The following ZFR variants were observed in gnomAD, a reference collection of about 807,000 sequenced individuals.
The protein encoded by ZFR is zinc finger RNA binding protein.
A neutral mutation model predicts 130.7 loss-of-function variants in ZFR; 19 were observed. The ratio of observed to expected loss-of-function variants is 0.15; its 90% CI spans 0.10 to 0.21. ZFR has a LOEUF of 0.21. ZFR is among the 10% of genes least tolerant of loss of function. ZFR has a pLI of 1.00. For synonymous variants in ZFR, 466 were observed against 456.9 expected (o/e 1.02, Z -0.25); for missense variants, 872 against 1,321.5 (o/e 0.66, Z 5.27).
intron 2 of ZFR, among the ~76,000 whole-genome samples, chr5:32,426,566 C>T (rs1445834793): frequency 6.6e-6 from 1 of 152,180 alleles, no homozygotes; most frequent in Non-Finnish European, 1.5e-5. Context: ...CAACACAGTA[C>T]TTAAGTTCCA....
At position 32,385,609 on chromosome 5, in the gene ZFR, G is replaced by A. The variant is rs752155969; in HGVS notation, c.2540C>T (p.Ser847Phe). 1 of 1,613,406 alleles carries A rather than the reference G, an allele frequency of 6.2e-7. No homozygotes were observed. Among genetic ancestry groups the A allele is most frequent in the Non-Finnish European group, 8.5e-7 (1 of 1,179,536 alleles). The change falls in exon 15 of 20, where the codon TCT becomes TTT. Residue 847 changes from serine (S) to phenylalanine (F), a missense_variant. Transcript: ENST00000265069. ...TGAATTCAAAATTATTGCCGCTTCA[G>A]ATACAGCACATTTTATGTCATACTT... ...PEKYDIKCAV[S>F]EAAIILNSCV...
At chr5:32,367,173 T>A (rs1273323286) in intron 17 of ZFR, among the ~76,000 whole-genome samples, 1 of 152,016 alleles carries the variant, frequency 6.6e-6, no homozygotes. Context: ...GTGGTTCACG[T>A]CTGTAATCCC....
Position 32,403,141 on chromosome 5 carries a change from G to A in ZFR, c.1481C>T (p.Ala494Val). The A allele has an allele frequency of 6.2e-7, 1 of 1,614,066 alleles. No homozygotes were observed. Among genetic ancestry groups the A allele is most frequent in the Non-Finnish European group, 8.5e-7 (1 of 1,179,996 alleles). The change falls in exon 8 of 20, where the codon GCC (alanine) becomes GTC (valine). Residue 494 changes from alanine to valine, a missense_variant. Coordinates refer to ENST00000265069, the MANE Select transcript of ZFR (RefSeq NM_016107.5). ...TATTTTGGGGGTAGATGTTTTCTTG[G>A]CAGCCATATTTGTAGGCACTGCTGA... The part of the protein sequence containing the change: ...KVSAVPTNMA[A>V]KKTSTPKINF...
intron 17 of ZFR, among the ~76,000 whole-genome samples, chr5:32,366,321 G>A (rs1191166587): frequency 6.6e-6 from 1 of 152,198 alleles, no homozygotes; most frequent in Non-Finnish European, 1.5e-5. Context: ...TATGAGAAAA[G>A]TGAGCATTAA....
chr5:32,434,707 G>A (rs1347155927), intron 2 of ZFR, among the ~76,000 whole-genome samples: 1 of 152,156 alleles, frequency 6.6e-6, no homozygotes, highest in Non-Finnish European at 1.5e-5. Flanking sequence ...ATCCCATGAT[G>A]TAAATCTTGC....
chr5:32,373,179 G>A (rs992619194), intron 17 of ZFR, among the ~76,000 whole-genome samples: 19 of 152,202 alleles, frequency 1.2e-4, no homozygotes, highest in African/African-American at 3.1e-4. Context: ...TGGATCATGA[G>A]ATGAGGAGTT....
At chr5:32,376,332 C>T (rs2910927) in intron 17 of ZFR, among the ~76,000 whole-genome samples, 60,872 of 151,552 alleles carry the variant, frequency 0.4, 12,489 homozygotes, top group East Asian at 0.56. Flanking sequence ...AAATAAAATT[C>T]GATGAAAAAA....
At chr5:32,399,823 TATG>T (rs1442266198) in intron 9 of ZFR, among the ~76,000 whole-genome samples, 181 bp downstream of exon 9, 1 of 152,198 alleles carries the variant, frequency 6.6e-6, no homozygotes, top group African/African-American at 2.4e-5. Context: ...AAAAAATCAT[TATG>T]ATGTCACTTA....
chr5:32,400,673 G>C (rs976962605), intron 8 of ZFR, among the ~76,000 whole-genome samples: 1 of 152,144 alleles, frequency 6.6e-6, no homozygotes, highest in African/African-American at 2.4e-5. Flanking sequence ...GACCAGCCGG[G>C]GGAACATGGC....
chr5:32,401,812 G>T (rs1259576292), intron 8 of ZFR, among the ~76,000 whole-genome samples: 1 of 152,146 alleles, frequency 6.6e-6, no homozygotes, highest in Non-Finnish European at 1.5e-5. Flanking sequence ...AGACTTTTAA[G>T]GCCTAAAAAA....
At chr5:32,419,263 A>G (rs1391779567) in intron 3 of ZFR, among the ~76,000 whole-genome samples, 2 of 152,270 alleles carry the variant, frequency 1.3e-5, no homozygotes, top group East Asian at 1.9e-4. Context: ...AAAGTTTTTA[A>G]CAGACAGCTA....
chr5:32,384,405 T>G (rs1464585439), intron 15 of ZFR, among the ~76,000 whole-genome samples: 1 of 152,158 alleles, frequency 6.6e-6, no homozygotes, highest in Non-Finnish European at 1.5e-5. Context: ...TATGTAAAAT[T>G]AGACATAGCT....
intron 2 of ZFR, among the ~76,000 whole-genome samples, chr5:32,427,315 G>T (rs1308636350): frequency 6.8e-6 from 1 of 147,500 alleles, no homozygotes; most frequent in East Asian, 2.0e-4. Flanking sequence ...AGCCCAGGAG[G>T]TCAGGGCTGC....
intron 17 of ZFR, among the ~76,000 whole-genome samples, chr5:32,377,321 C>T (rs557493067): frequency 3.8e-4 from 57 of 151,388 alleles, no homozygotes; most frequent in African/African-American, 1.1e-3. Context: ...CAACCTCTGC[C>T]TCCCAGGTTC....
intron 2 of ZFR, among the ~76,000 whole-genome samples, chr5:32,424,238 C>A (rs1314930238): frequency 6.6e-6 from 1 of 152,112 alleles, no homozygotes; most frequent in Non-Finnish European, 1.5e-5. Flanking sequence ...TAAGAAATGA[C>A]AACATGATTA....
At chr5:32,424,831 G>C (rs1036444175) in intron 2 of ZFR, among the ~76,000 whole-genome samples, 1 of 152,128 alleles carries the variant, frequency 6.6e-6, no homozygotes, top group Non-Finnish European at 1.5e-5. Flanking sequence ...CTAAATTAGA[G>C]AAGATAAACT....
chr5:32,442,471 A>G (rs1417791321), intron 2 of ZFR, among the ~76,000 whole-genome samples: 2 of 152,268 alleles, frequency 1.3e-5, no homozygotes, highest in African/African-American at 2.4e-5. Context: ...AAAGTAGCTG[A>G]AACTTTTTTT....
At chr5:32,405,045 C>T (rs1753547974) in intron 6 of ZFR, among the ~76,000 whole-genome samples, 1 of 152,130 alleles carries the variant, frequency 6.6e-6, no homozygotes, top group African/African-American at 2.4e-5. Context: ...CTCAAACTCT[C>T]TTTTTAAAAA....
At chr5:32,430,634 T>C (rs531358262) in intron 2 of ZFR, among the ~76,000 whole-genome samples, 1 of 152,172 alleles carries the variant, frequency 6.6e-6, no homozygotes, top group South Asian at 2.1e-4. Flanking sequence ...GAATTCACAG[T>C]AAGATATATC....
Sources: gnomAD v4.1 joint callset for allele counts (sites outside exome capture counted in the v4.1 genomes callset) on GRCh38, gnomAD v4.1.1 for gene constraint, MANE v1.5 for transcripts, NCBI Gene and HGNC (gene_info 2026-07-23, HGNC 2026-07-21) for gene names.